The following GNA13 variants were observed in gnomAD, a reference collection of about 807,000 sequenced individuals.
The protein encoded by GNA13 is guanine nucleotide-binding protein subunit alpha-13.
In GNA13, 4 loss-of-function variants were observed where a neutral mutation model predicts 33.5. The ratio of observed to expected loss-of-function variants is 0.12; its 90% CI spans 0.06 to 0.27. The LOEUF (loss-of-function observed/expected upper bound fraction) is 0.27, where lower values mean the gene tolerates loss of function less well. GNA13 is among the 10% of genes least tolerant of loss of function. The pLI is 1.00. For missense variants in GNA13, 319 were observed against 487.2 expected (o/e 0.65, Z 3.25); for synonymous variants, 176 against 183.8 (o/e 0.96, Z 0.34).
At chr17:65,030,482 A>G (rs904630239) in intron 2 of GNA13, among the ~76,000 whole-genome samples, 1 of 152,260 alleles carries the variant, frequency 6.6e-6, no homozygotes, top group Non-Finnish European at 1.5e-5. Context: ...TATGCATCAC[A>G]CATGTAATTA....
rs547593477 is a variant in GNA13 at position 65,033,149 on chromosome 17, G to A, written c.511-14846C>T. Among the ~76,000 whole-genome samples the A allele has an allele frequency of 2.0e-5, 3 of 151,960 alleles. No homozygotes were observed. In the South Asian group the frequency reaches 6.2e-4, roughly 32 times the overall value. On this transcript the variant is annotated intron_variant, in intron 2 of 3. Transcript: ENST00000439174. The stretch of plus-strand genomic sequence containing the variant: ...ATCACAGTACTTGATGTGATGTATA[G>A]GATATGTTTTCAATGAGGGTAATAC...
intron 2 of GNA13, among the ~76,000 whole-genome samples, chr17:65,049,690 TC>T (rs1370878010): frequency 6.6e-6 from 1 of 152,142 alleles, no homozygotes; most frequent in African/African-American, 2.4e-5. Flanking sequence ...AAGGCACTGT[TC>T]CTGGGGAAAG....
At chr17:65,044,861 G>A (rs1413402947) in intron 2 of GNA13, among the ~76,000 whole-genome samples, 1 of 151,712 alleles carries the variant, frequency 6.6e-6, no homozygotes, top group Non-Finnish European at 1.5e-5. Context: ...CGGCCAACAT[G>A]GTGAAACCCT....
chr17:65,055,081 G>A (rs1907995526), intron 1 of GNA13, among the ~76,000 whole-genome samples: 1 of 151,802 alleles, frequency 6.6e-6, no homozygotes, highest in Non-Finnish European at 1.5e-5. Flanking sequence ...GCGGGGGGGT[G>A]ACATGCAGAA....
chr17:65,013,336 TA>T lies in GNA13; in HGVS notation c.*920del, dbSNP rs1398337332. On this transcript the variant is annotated 3_prime_UTR_variant, in exon 4 of 4. Transcript: ENST00000439174. ...ATGATACAACAATGATTTCCTACAG[TA>T]AGGATTGGTCTTTACTGACCAACTG... The T allele has an allele frequency of 4.8e-6, 1 of 209,164 alleles. No homozygotes were observed. The highest frequency in any genetic ancestry group is 2.3e-5 in the African/African-American group (1 of 44,038). The allele number at this position is 209,164 out of a possible 1,614,324, so 13.0% of individuals were successfully genotyped here.
intron 3 of GNA13, among the ~76,000 whole-genome samples, 132 bp downstream of exon 3, chr17:65,018,092 TAAAAAAAAAAAAAAAAAAAAAAAAAAAAA>T (rs767082596): frequency 9.8e-4 from 21 of 21,474 alleles, no homozygotes; most frequent in Non-Finnish European, 1.4e-3. Context: ...ACGCCACCAC[TAAAAAAAAAAAAAAAAAAAAAAAAAAAAA>T]AAAAAAAAAA....
intron 2 of GNA13, among the ~76,000 whole-genome samples, chr17:65,045,640 A>C (rs2143821070): frequency 6.6e-6 from 1 of 152,322 alleles, no homozygotes; most frequent in East Asian, 1.9e-4. Context: ...GATTAGGATA[A>C]AATGTACCAT....
chr17:65,041,351 C>T (rs1048005571), intron 2 of GNA13, among the ~76,000 whole-genome samples: 4 of 151,558 alleles, frequency 2.6e-5, no homozygotes, highest in African/African-American at 7.3e-5. Flanking sequence ...TTTTTAAATG[C>T]TAAAATCAAT....
At chr17:65,021,187 A>G (rs886477261) in intron 2 of GNA13, among the ~76,000 whole-genome samples, 22 of 152,352 alleles carry the variant, frequency 1.4e-4, no homozygotes, top group Non-Finnish European at 2.6e-4. Context: ...CATAGCAGCC[A>G]GTGTACCTGG....
intron 2 of GNA13, 171 bp downstream of exon 2, chr17:65,053,331 A>T: frequency 1.7e-6 from 1 of 592,840 alleles, no homozygotes; most frequent in Non-Finnish European, 3.0e-6. Flanking sequence ...ACACGTAGTC[A>T]TTAGAGACTA....
At chr17:65,042,332 G>C (rs988479860) in intron 2 of GNA13, among the ~76,000 whole-genome samples, 4 of 150,262 alleles carry the variant, frequency 2.7e-5, no homozygotes, top group Admixed American at 6.6e-5. Context: ...ACTCCAGCCT[G>C]GGTAACAAGA....
At chr17:65,038,668 C>G (rs1907350747) in intron 2 of GNA13, among the ~76,000 whole-genome samples, 1 of 152,170 alleles carries the variant, frequency 6.6e-6, no homozygotes, top group Non-Finnish European at 1.5e-5. Context: ...TTCAAGCAAT[C>G]CGCCCACCTT....
chr17:65,022,765 A>G (rs1906629572), intron 2 of GNA13, among the ~76,000 whole-genome samples: 1 of 152,264 alleles, frequency 6.6e-6, no homozygotes, highest in Non-Finnish European at 1.5e-5. Flanking sequence ...TTGTTAGACA[A>G]GCAAGGAATG....
intron 1 of GNA13, 93 bp downstream of exon 1, chr17:65,056,218 G>T (rs1257052044): frequency 7.4e-6 from 8 of 1,083,694 alleles, no homozygotes; most frequent in South Asian, 1.6e-5. Flanking sequence ...CTTCGCCAGC[G>T]ACACAGCGGA....
At chr17:65,041,680 T>C (rs757406247) in intron 2 of GNA13, among the ~76,000 whole-genome samples, 4 of 151,972 alleles carry the variant, frequency 2.6e-5, no homozygotes, top group Non-Finnish European at 5.9e-5. Context: ...GGGGAGCACC[T>C]CAGAGACAAA....
rs1288262891 is a variant in GNA13, at chr17:65,014,010, C to T, written c.*247G>A. 2.2e-6 allele frequency: 1 copy of T among 451,620 alleles called. No individual in the cohort carries two copies. Among genetic ancestry groups the T allele is most frequent in the East Asian group, 3.4e-5 (1 of 29,614 alleles). 28.0% of individuals were successfully genotyped at this position (451,620 alleles called of 1,614,324 possible). On this transcript the variant is annotated 3_prime_UTR_variant, in exon 4 of 4. Coordinates refer to ENST00000439174, the MANE Select transcript of GNA13 (RefSeq NM_006572.6). This position sits in a 1 kb window ranked among gnomAD's most constrained non-coding sequence, Gnocchi z 5.3. ...TCTGAGGTCAGCTGGGAGGTTTTAA[C>T]TGGACTTGAATAGAAGCCATGGTGA...
intron 2 of GNA13, among the ~76,000 whole-genome samples, chr17:65,034,828 C>T (rs1907184942): frequency 6.6e-6 from 1 of 151,990 alleles, no homozygotes; most frequent in African/African-American, 2.4e-5. Flanking sequence ...TCTTGTTGCC[C>T]AGGCTGGAGT....
At chr17:65,042,936 G>A (rs1405844136) in intron 2 of GNA13, among the ~76,000 whole-genome samples, 1 of 152,102 alleles carries the variant, frequency 6.6e-6, no homozygotes, top group East Asian at 1.9e-4. Context: ...CTACTTAGGT[G>A]CATAAAGCCC....
chr17:65,018,243 A>G lies in GNA13; in HGVS notation c.561+10T>C. Reference sequence around the variant, plus strand: ...GGCACTAAACATAAACATTTGGTTTAAACACTTACTGGTTCTCCAAGTTTA... The same window carrying G: ...GGCACTAAACATAAACATTTGGTTTGAACACTTACTGGTTCTCCAAGTTTA... On this transcript the variant is annotated intron_variant, in intron 3 of 3. Coordinates refer to ENST00000439174, the MANE Select transcript of GNA13 (RefSeq NM_006572.6). The G allele has an allele frequency of 6.9e-7, 1 of 1,448,580 alleles. No homozygotes were observed. Among genetic ancestry groups the G allele is most frequent in the South Asian group, 1.1e-5 (1 of 87,416 alleles). 89.7% of individuals were successfully genotyped at this position (1,448,580 alleles called of 1,614,324 possible).
Sources: gnomAD v4.1 joint callset for allele counts (sites outside exome capture counted in the v4.1 genomes callset) on GRCh38, gnomAD v4.1.1 for gene constraint, Gnocchi (gnomAD v3.1) non-coding constraint, MANE v1.5 for transcripts, NCBI Gene and HGNC (gene_info 2026-07-23, HGNC 2026-07-21) for gene names.